Variants in CPD observed in about 807,000 individuals in gnomAD.
CPD encodes the protein metallocarboxypeptidase D.
CPD carries 69 observed loss-of-function variants against 138.3 expected under a neutral mutation model. That is an observed-to-expected ratio of 0.50 (90% CI 0.41 to 0.61). The LOEUF is 0.61. Ranked by LOEUF, CPD falls within the 20% of genes least tolerant of loss-of-function variation. The pLI, the probability that CPD is intolerant of heterozygous loss-of-function variation, is 0.00. For missense variants in CPD, 1,432 were observed against 1,733.3 expected (o/e 0.83, Z 3.09); for synonymous variants, 651 against 642.1 (o/e 1.01, Z -0.21).
intron 7 of CPD, among the ~76,000 whole-genome samples, chr17:30,428,190 A>ATAATTT (rs1464609166): frequency 1.3e-5 from 2 of 152,202 alleles, no homozygotes; most frequent in Non-Finnish European, 2.9e-5. Flanking sequence ...ATACCTCCAT[A>ATAATTT]TAATTTAGCA....
intron 2 of CPD, among the ~76,000 whole-genome samples, chr17:30,388,711 C>T (rs924213904): frequency 3.9e-5 from 6 of 152,182 alleles, no homozygotes; most frequent in Non-Finnish European, 5.9e-5. Context: ...CAGCCGTGCC[C>T]CCTGGGAGCC....
intron 17 of CPD, among the ~76,000 whole-genome samples, chr17:30,458,048 G>T (rs1390369320): frequency 1.3e-5 from 2 of 152,058 alleles, no homozygotes; most frequent in Non-Finnish European, 2.9e-5. Flanking sequence ...AAAAAAATTA[G>T]CTGGGCGTGG....
rs546039374 is a variant in CPD, at chr17:30,398,517, T to G, written c.994+13281T>G. The stretch of plus-strand genomic sequence containing the variant: ...TATATTAACTGAATCTGGCAGTAGC[T>G]GCAGCTGTTATTAATGTCAGGCCTA... On this transcript the variant is annotated intron_variant, in intron 2 of 20. Transcript: ENST00000225719. Among the ~76,000 whole-genome samples the G allele has an allele frequency of 7.9e-5, 12 of 152,274 alleles. No homozygotes were observed. In the South Asian group the frequency reaches 2.3e-3, roughly 29 times the overall value.
chr17:30,433,156 T>C (rs1348305895), intron 8 of CPD, among the ~76,000 whole-genome samples: 1 of 152,206 alleles, frequency 6.6e-6, no homozygotes, highest in African/African-American at 2.4e-5. Context: ...GTGAGATTGT[T>C]CAGAGTTTCT....
At chr17:30,455,759 A>C (rs1305925406) in intron 15 of CPD, 1 of 300,394 alleles carries the variant, frequency 3.3e-6, no homozygotes, top group African/African-American at 2.2e-5. Context: ...AGAATATAAA[A>C]GTGAGTATGA....
intron 2 of CPD, among the ~76,000 whole-genome samples, chr17:30,389,884 T>C (rs1225595036): frequency 6.6e-6 from 1 of 152,240 alleles, no homozygotes; most frequent in East Asian, 1.9e-4. Context: ...TCAGCAAATA[T>C]TGAGCAGTTT....
intron 2 of CPD, among the ~76,000 whole-genome samples, chr17:30,407,949 G>C (rs1222979688): frequency 6.6e-6 from 1 of 152,104 alleles, no homozygotes; most frequent in Non-Finnish European, 1.5e-5. Flanking sequence ...TATGCTTTTA[G>C]GTCGTACGTT....
Position 30,449,542 on chromosome 17 carries a change from G to T in CPD, c.2874-11G>T, listed in dbSNP as rs1362140376. 5.1e-6 allele frequency: 8 copies of T among 1,564,430 alleles called. No individual in the cohort carries two copies. The Admixed American group carries it at 6.6e-5, about 13-fold the overall frequency. The stretch of plus-strand genomic sequence containing the variant: ...TTACTTGCTGATTTTTTTGTTTCTG[G>T]TTTTTGAAAGTTTGGGACAGAGCAC... On this transcript the variant is annotated splice_polypyrimidine_tract_variant and intron_variant, in intron 12 of 20. Transcript: ENST00000225719.
rs780626678 is a variant in CPD, at chr17:30,379,097, G to A, written c.117G>A (p.Ala39=). The change falls in exon 1 of 21, where the codon GCG becomes GCA. Residue 39 remains alanine, a synonymous_variant. Transcript: ENST00000225719. The surrounding 1 kb of genome is among the most constrained non-coding windows in gnomAD (Gnocchi z 7.0). ...ARAAHIKKAE[A]TTTTTSAGAE... is the part of the protein sequence containing the mutation. ...CGGCTCACATCAAGAAGGCGGAGGC[G>A]ACTACCACAACTACGAGCGCGGGCG... is the stretch of plus-strand genomic sequence containing the variant. 1.3e-6 allele frequency: 2 copies of A among 1,555,130 alleles called. No individual in the cohort carries two copies. The highest frequency in any genetic ancestry group is 1.9e-5 in the Admixed American group (1 of 53,832).
intron 2 of CPD, among the ~76,000 whole-genome samples, chr17:30,390,976 T>C (rs1007347232): frequency 4.6e-5 from 7 of 151,924 alleles, no homozygotes; most frequent in African/African-American, 1.7e-4. Context: ...GTTACGGGCA[T>C]GTACCACCAT....
At chr17:30,430,754 G>C (rs1178867764) in intron 7 of CPD, among the ~76,000 whole-genome samples, 1 of 152,054 alleles carries the variant, frequency 6.6e-6, no homozygotes, top group African/African-American at 2.4e-5. Context: ...CCTGAGCTCA[G>C]GCAGTCCTCC....
At chr17:30,427,353 A>C (rs1429584123) in intron 6 of CPD, 38 bp from the exon 7 acceptor site, 1 of 1,578,770 alleles carries the variant, frequency 6.3e-7, no homozygotes, top group Non-Finnish European at 8.7e-7. Flanking sequence ...ATATAAGTGA[A>C]CATGGCTTAT....
intron 2 of CPD, among the ~76,000 whole-genome samples, chr17:30,412,167 G>T (rs528881334): frequency 6.6e-6 from 1 of 152,222 alleles, no homozygotes; most frequent in Admixed American, 6.5e-5. Context: ...GACCCTGTTT[G>T]CCTAGGTCTC....
chr17:30,380,556 G>A, intron 1 of CPD: 1 of 1,483,154 alleles, frequency 6.7e-7, no homozygotes. Context: ...ATTAAGCATT[G>A]CATGAGGTTT....
chr17:30,385,722 T>A (rs1911167680), intron 2 of CPD, among the ~76,000 whole-genome samples: 1 of 151,482 alleles, frequency 6.6e-6, no homozygotes, highest in African/African-American at 2.4e-5. Context: ...TAACTCAGAT[T>A]TCCCCCATTA....
chr17:30,448,303 C>T (rs984424160), intron 12 of CPD, among the ~76,000 whole-genome samples: 2 of 152,096 alleles, frequency 1.3e-5, no homozygotes, highest in African/African-American at 2.4e-5. Context: ...CTCCAGTTTA[C>T]GTTGAACTAT....
chr17:30,466,307 T>TTA lies in CPD; in HGVS notation c.*1495_*1496dup, dbSNP rs1164932384. ...TATTCTATATCCATTAATGTATCAG[T>TTA]TATCCCAAAGCCTTCAGGTGGAGGG... On this transcript the variant is annotated 3_prime_UTR_variant, in exon 21 of 21. Transcript: ENST00000225719. The TTA allele has an allele frequency of 6.6e-6, 1 of 152,648 alleles. No homozygotes were observed. Among genetic ancestry groups the TTA allele is most frequent in the African/African-American group, 2.4e-5 (1 of 41,470 alleles). The allele number at this position is 152,648 out of a possible 1,614,324, so 9.5% of individuals were successfully genotyped here. A position where few individuals can be genotyped will look rare whatever the true frequency, so the allele number is the denominator to read the frequency against.
At chr17:30,394,901 A>ATGTGTGTGTGTG (rs113868957) in intron 2 of CPD, among the ~76,000 whole-genome samples, 1 of 148,332 alleles carries the variant, frequency 6.7e-6, no homozygotes, top group African/African-American at 2.5e-5. Context: ...GCATGTGTGT[A>ATGTGTGTGTGTG]TGTGTGTGTG....
At chr17:30,439,807 A>T (rs1349169389) in intron 9 of CPD, among the ~76,000 whole-genome samples, 26 of 34,564 alleles carry the variant, frequency 7.5e-4, no homozygotes, top group African/African-American at 1.6e-3. Flanking sequence ...CCAGTCTATC[A>T]TTGTTGGACA....
Sources: allele counts gnomAD v4.1 joint callset (sites outside exome capture counted in the v4.1 genomes callset), GRCh38; gene constraint gnomAD v4.1.1; non-coding constraint Gnocchi (gnomAD v3.1); transcripts MANE v1.5; gene names NCBI Gene and HGNC (gene_info 2026-07-23, HGNC 2026-07-21).